SP1: variants seen among roughly 807,000 people sequenced by gnomAD.
SP1 encodes transcription factor Sp1.
Under a neutral mutation model 66.3 loss-of-function variants are expected in SP1, and 6 were observed. That is an observed-to-expected ratio of 0.09 (90% CI 0.05 to 0.18). The LOEUF is 0.18. Among genes scored for constraint, SP1 ranks in the 10% least tolerant of loss-of-function variants. SP1 has a pLI of 1.00. For missense variants in SP1, 848 were observed against 964.5 expected (o/e 0.88, Z 1.60); for synonymous variants, 417 against 360.8 (o/e 1.16, Z -1.77).
rs117750315 is a variant in SP1, at chr12:53,413,470, C to T, written c.*2230C>T. On this transcript the variant is annotated 3_prime_UTR_variant, in exon 6 of 6. Coordinates refer to ENST00000327443, the MANE Select transcript of SP1 (RefSeq NM_138473.3). ...TGTTGTTTAATCTGAACTATAGTAA[C>T]TTAATACTCTAAACAATAGTTCACT... 2.0e-5 allele frequency: 3 copies of T among 152,724 alleles called. No individual in the cohort carries two copies. The highest frequency in any genetic ancestry group is 4.4e-5 in the Non-Finnish European group (3 of 68,040). 9.5% of individuals were successfully genotyped at this position (152,724 alleles called of 1,614,324 possible).
chr12:53,414,951 CCCTTTGCATAGCTCT>C lies in SP1; in HGVS notation c.*3716_*3730del, dbSNP rs1938966229. The C allele has an allele frequency of 6.6e-6, 1 of 152,540 alleles. No homozygotes were observed. Among genetic ancestry groups the C allele is most frequent in the South Asian group, 2.1e-4 (1 of 4,824 alleles). The allele number at this position is 152,540 out of a possible 1,614,324, so 9.4% of individuals were successfully genotyped here. ...CAGTCTAGCTGCCTCAAGTGAGGGG[CCCTTTGCATAGCTCT>C]CCTTCCCCCTCACTGAAGCTGGGTA... On this transcript the variant is annotated 3_prime_UTR_variant, in exon 6 of 6. Transcript: ENST00000327443.
chr12:53,412,500 A>G lies in SP1; in HGVS notation c.*1260A>G, dbSNP rs1229413334. 6.6e-6 allele frequency: 1 copy of G among 152,624 alleles called. No individual in the cohort carries two copies. The highest frequency in any genetic ancestry group is 2.4e-5 in the African/African-American group (1 of 41,438). The allele number at this position is 152,624 out of a possible 1,614,324, so 9.5% of individuals were successfully genotyped here. ...CACTAGGTTCTTTTCCATTGTCAAT[A>G]AGGAGCATCAGCCAGTGAATCTGTT... On this transcript the variant is annotated 3_prime_UTR_variant, in exon 6 of 6. Coordinates refer to ENST00000327443, the MANE Select transcript of SP1 (RefSeq NM_138473.3).
At chr12:53,393,365 ACC>A (rs1013128067) in intron 3 of SP1, among the ~76,000 whole-genome samples, 13 of 150,624 alleles carry the variant, frequency 8.6e-5, no homozygotes, top group African/African-American at 2.9e-4. Flanking sequence ...GCTCACCGCA[ACC>A]TCTGCTTCCC....
At chr12:53,400,760 T>G (rs74514633) in intron 3 of SP1, among the ~76,000 whole-genome samples, 1 of 97,408 alleles carries the variant, frequency 1.0e-5, no homozygotes, top group African/African-American at 4.1e-5. Flanking sequence ...GGCTAATTTT[T>G]TTTTTTTTTT....
rs1938139190 is a variant in SP1 at position 53,382,872 on chromosome 12, A to G, written c.925A>G (p.Ser309Gly). The G allele has an allele frequency of 2.5e-6, 4 of 1,614,232 alleles. No homozygotes were observed. The highest frequency in any genetic ancestry group is 3.4e-6 in the Non-Finnish European group (4 of 1,180,040). Reference sequence around the variant, plus strand: ...CTCAGGGACTACCATCAGTTCTGCCAGCTTGGTATCATCACAAGCCAGTTC... The same window carrying G: ...CTCAGGGACTACCATCAGTTCTGCCGGCTTGGTATCATCACAAGCCAGTTC... ...VTSGTTISSA[S>G]LVSSQASSSS... The change falls in exon 3 of 6, where the codon AGC (serine) becomes GGC (glycine). Residue 309 changes from serine to glycine, a missense_variant. Coordinates refer to ENST00000327443, the MANE Select transcript of SP1 (RefSeq NM_138473.3).
At chr12:53,385,411 CTG>C (rs1938206018) in intron 3 of SP1, among the ~76,000 whole-genome samples, 2 of 148,700 alleles carry the variant, frequency 1.3e-5, no homozygotes, top group Non-Finnish European at 1.5e-5. Flanking sequence ...CTGGCTAACA[CTG>C]TGAAACCCTG....
In SP1 at chr12:53,411,392, A is replaced by G. The variant is rs1279825843; in HGVS notation, c.*152A>G. On this transcript the variant is annotated 3_prime_UTR_variant, in exon 6 of 6. Coordinates refer to ENST00000327443, the MANE Select transcript of SP1 (RefSeq NM_138473.3). ...TCAGGAGAGGGATACAAGAGAGGAG[A>G]TGGGGTCCCGGCACCCATCTGTATC... 1 of 621,684 alleles carries G rather than the reference A, an allele frequency of 1.6e-6. No individual in the cohort carries two copies. The highest frequency in any genetic ancestry group is 3.2e-5 in the Admixed American group (1 of 31,432). The allele number at this position is 621,684 out of a possible 1,614,324, so 38.5% of individuals were successfully genotyped here. A position where few individuals can be genotyped will look rare whatever the true frequency, so the allele number is the denominator to read the frequency against.
At chr12:53,405,139 A>G (rs1196571878) in intron 3 of SP1, among the ~76,000 whole-genome samples, 1 of 151,716 alleles carries the variant, frequency 6.6e-6, no homozygotes, top group East Asian at 1.9e-4. Context: ...GTGAGCTACC[A>G]TGCCCAGCCT....
rs146511832 is a variant in SP1, at chr12:53,382,982, A to G, written c.1035A>G (p.Gly345=). The part of the protein sequence containing the change: ...NMGIMNFTTS[G]SSGTNSQGQT... ...GAATTATGAACTTTACTACCAGTGGATCATCAGGGACCAACTCTCAAGGCC... is the reference window on the plus strand; with the variant it reads ...GAATTATGAACTTTACTACCAGTGGGTCATCAGGGACCAACTCTCAAGGCC... Residue 345 remains glycine, a synonymous_variant, in exon 3 of 6, where the codon GGA becomes GGG. Transcript: ENST00000327443. The G allele has an allele frequency of 7.4e-6, 12 of 1,614,056 alleles. No homozygotes were observed. The highest frequency in any genetic ancestry group is 9.3e-6 in the Non-Finnish European group (11 of 1,180,036).
intron 3 of SP1, among the ~76,000 whole-genome samples, chr12:53,387,198 G>T (rs1024215899): frequency 2.0e-5 from 3 of 152,060 alleles, no homozygotes; most frequent in Non-Finnish European, 4.4e-5. Flanking sequence ...TGATCCGCCC[G>T]CCTTGGCCTC....
At chr12:53,409,653 C>T in intron 5 of SP1, 92 bp downstream of exon 5, 1 of 1,097,974 alleles carries the variant, frequency 9.1e-7, no homozygotes, top group Non-Finnish European at 1.3e-6. Context: ...TTCTGAGCAA[C>T]TTAATTTGAA....
At chr12:53,398,810 C>T (rs1592565785) in intron 3 of SP1, among the ~76,000 whole-genome samples, 1 of 152,244 alleles carries the variant, frequency 6.6e-6, no homozygotes, top group Non-Finnish European at 1.5e-5. Flanking sequence ...TAACAATTAT[C>T]TATAAATAAT....
intron 1 of SP1, chr12:53,381,381 A>G (rs758356434): frequency 1.1e-5 from 3 of 267,056 alleles, no homozygotes; most frequent in Non-Finnish European, 2.1e-5. Flanking sequence ...CACCATGCCT[A>G]CCGTCCTTCA....
chr12:53,396,445 G>A (rs1938492295), intron 3 of SP1, among the ~76,000 whole-genome samples: 1 of 151,904 alleles, frequency 6.6e-6, no homozygotes, highest in Non-Finnish European at 1.5e-5. Flanking sequence ...ATGTGCGCCT[G>A]TAATCTCAGC....
chr12:53,411,374 A>G lies in SP1; in HGVS notation c.*134A>G. On this transcript the variant is annotated 3_prime_UTR_variant, in exon 6 of 6. Coordinates refer to ENST00000327443, the MANE Select transcript of SP1 (RefSeq NM_138473.3). ...GCATGGTGTTGAGAAGAATCAGGAG[A>G]GGGATACAAGAGAGGAGATGGGGTC... The G allele has an allele frequency of 1.4e-6, 1 of 704,816 alleles. No homozygotes were observed. The highest frequency in any genetic ancestry group is 2.3e-6 in the Non-Finnish European group (1 of 434,474). The allele number at this position is 704,816 out of a possible 1,614,324, so 43.7% of individuals were successfully genotyped here. A position where few individuals can be genotyped will look rare whatever the true frequency, so the allele number is the denominator to read the frequency against.
In SP1 at chr12:53,411,124, A is replaced by G. The variant is rs1053780750; in HGVS notation, c.2242A>G (p.Met748Val). 3.1e-6 allele frequency: 5 copies of G among 1,614,046 alleles called. No homozygotes were observed. The highest frequency in any genetic ancestry group is 4.2e-6 in the Non-Finnish European group (5 of 1,180,020). The change falls in exon 6 of 6, where the codon ATG becomes GTG. Residue 748 changes from methionine (M) to valine (V), a missense_variant. By Grantham distance (21) the Met-to-Val change is conservative. This residue lies in a region of SP1 where 73 missense variants were observed against 91.9 expected (regional missense o/e 0.79). Coordinates refer to ENST00000327443, the MANE Select transcript of SP1 (RefSeq NM_138473.3). ...TCCTTCAGCCCTTATTACCACCAATATGGTAGCCATGGAGGCCATCTGTCC... is the reference window on the plus strand; with the variant it reads ...TCCTTCAGCCCTTATTACCACCAATGTGGTAGCCATGGAGGCCATCTGTCC... ...ATPSALITTN[M>V]VAMEAICPEG...
At chr12:53,406,547 C>T (rs1025475513) in intron 3 of SP1, 38 bp from the exon 4 acceptor site, 28 of 1,593,018 alleles carry the variant, frequency 1.8e-5, no homozygotes, top group Non-Finnish European at 2.3e-5. Context: ...GATAACCTGC[C>T]CATGTCACAT....
chr12:53,400,706 A>G (rs1239062744), intron 3 of SP1, among the ~76,000 whole-genome samples: 2 of 150,550 alleles, frequency 1.3e-5, no homozygotes, highest in Non-Finnish European at 2.9e-5. Context: ...CTCCTGTCTC[A>G]GCCTCCGGAG....
chr12:53,380,693 C>T (rs1457702751), intron 1 of SP1: 72 of 985,622 alleles, frequency 7.3e-5, no homozygotes, highest in Non-Finnish European at 8.7e-5. Context: ...TGGTCGCCGC[C>T]TGCTCCAAGG....
Sources: gnomAD v4.1 joint callset for allele counts (sites outside exome capture counted in the v4.1 genomes callset) on GRCh38, gnomAD v4.1.1 for gene constraint, gnomAD v4.1.1 regional missense constraint, MANE v1.5 for transcripts, NCBI Gene and HGNC (gene_info 2026-07-23, HGNC 2026-07-21) for gene names.